PPP1R12A: variants seen among roughly 807,000 people sequenced by gnomAD.
PPP1R12A encodes myosin binding subunit.
PPP1R12A carries 19 observed loss-of-function variants against 139.6 expected under a neutral mutation model. The ratio of observed to expected loss-of-function variants is 0.14; its 90% CI spans 0.09 to 0.20. PPP1R12A has a LOEUF of 0.20. Among genes scored for constraint, PPP1R12A ranks in the 10% least tolerant of loss-of-function variants. The pLI is 1.00. For synonymous variants in PPP1R12A, 427 were observed against 420.6 expected (o/e 1.02, Z -0.19); for missense variants, 925 against 1,211.5 (o/e 0.76, Z 3.51).
chr12:79,812,073 ATAC>A (rs1874607543), intron 9 of PPP1R12A, among the ~76,000 whole-genome samples: 1 of 152,306 alleles, frequency 6.6e-6, no homozygotes, highest in East Asian at 1.9e-4. Context: ...ACCCAATGAA[ATAC>A]TACTATTACT....
chr12:79,806,150 T>G lies in PPP1R12A; in HGVS notation c.1823+16A>C. 2 of 1,612,710 alleles carry G rather than the reference T, an allele frequency of 1.2e-6. No homozygotes were observed. Among genetic ancestry groups the G allele is most frequent in the Non-Finnish European group, 1.7e-6 (2 of 1,178,988 alleles). On this transcript the variant is annotated intron_variant, in intron 13 of 24. Transcript: ENST00000450142. ...GCACACAGTAGACCTGAGCACAAAA[T>G]GTATCTGTGACTTACCTGCTTTGTG...
chr12:79,890,891 C>CACA (rs1565800078), intron 1 of PPP1R12A, among the ~76,000 whole-genome samples: 24 of 99,600 alleles, frequency 2.4e-4, no homozygotes, highest in South Asian at 1.4e-3. Flanking sequence ...CACACACCAC[C>CACA]CACCCACACC....
intron 8 of PPP1R12A, among the ~76,000 whole-genome samples, chr12:79,819,720 T>C (rs1011351149): frequency 2.0e-5 from 3 of 152,114 alleles, no homozygotes; most frequent in African/African-American, 7.2e-5. Context: ...GGTGGGAGAA[T>C]TGCTTGAGGA....
At chr12:79,883,115 C>T (rs1883794246) in intron 1 of PPP1R12A, among the ~76,000 whole-genome samples, 1 of 151,846 alleles carries the variant, frequency 6.6e-6, no homozygotes, top group African/African-American at 2.4e-5. Flanking sequence ...CCAGCCTCGG[C>T]GACAGAGCAA....
chr12:79,900,414 G>C (rs1452393055), intron 1 of PPP1R12A, among the ~76,000 whole-genome samples: 2 of 152,238 alleles, frequency 1.3e-5, no homozygotes, highest in South Asian at 4.1e-4. Flanking sequence ...TTCATTGATG[G>C]ATTCTAGGGT....
At chr12:79,932,545 A>C (rs1888331050) in intron 1 of PPP1R12A, among the ~76,000 whole-genome samples, 1 of 152,198 alleles carries the variant, frequency 6.6e-6, no homozygotes, top group South Asian at 2.1e-4. Flanking sequence ...GGTCAAACCC[A>C]CACTCACAGT....
intron 1 of PPP1R12A, among the ~76,000 whole-genome samples, chr12:79,874,965 T>A (rs1012982999): frequency 6.6e-6 from 1 of 152,178 alleles, no homozygotes; most frequent in African/African-American, 2.4e-5. Context: ...TCCTTCTCAT[T>A]AAACAAATCT....
At chr12:79,780,389 A>G (rs1870289050) in intron 23 of PPP1R12A, 1 of 152,112 alleles carries the variant, frequency 6.6e-6, no homozygotes, top group Non-Finnish European at 1.5e-5. Flanking sequence ...ATTTATCTGC[A>G]TTTGACAAGC....
chr12:79,789,954 ATT>A (rs1302331162), intron 20 of PPP1R12A, among the ~76,000 whole-genome samples: 3 of 144,096 alleles, frequency 2.1e-5, no homozygotes, highest in African/African-American at 2.5e-5. Flanking sequence ...TAATTAAGAA[ATT>A]TTTTTTTTTT....
intron 16 of PPP1R12A, 118 bp from the exon 17 acceptor site, chr12:79,797,068 A>T: frequency 7.3e-7 from 1 of 1,366,998 alleles, no homozygotes; most frequent in Non-Finnish European, 9.9e-7. Flanking sequence ...AAGTAATTCA[A>T]ATTTCCAGCT....
chr12:79,924,292 C>G (rs1018227218), intron 1 of PPP1R12A, among the ~76,000 whole-genome samples: 2 of 152,126 alleles, frequency 1.3e-5, no homozygotes, highest in African/African-American at 4.8e-5. Flanking sequence ...ATTCCATGTA[C>G]TTGGAAGGAA....
At chr12:79,901,461 A>G (rs1458574185) in intron 1 of PPP1R12A, among the ~76,000 whole-genome samples, 1 of 152,154 alleles carries the variant, frequency 6.6e-6, no homozygotes, top group East Asian at 1.9e-4. Flanking sequence ...CTGGAGGTAA[A>G]AAAGTAAGCT....
chr12:79,820,732 G>T, intron 8 of PPP1R12A, 42 bp downstream of exon 8: 2 of 1,596,678 alleles, frequency 1.3e-6, no homozygotes, highest in South Asian at 1.1e-5. Flanking sequence ...ATTTTACACT[G>T]CCACAAAATT....
chr12:79,848,968 A>C (rs1879731439), intron 2 of PPP1R12A: 1 of 151,918 alleles, frequency 6.6e-6, no homozygotes, highest in South Asian at 2.1e-4. Flanking sequence ...AGTATAATAC[A>C]TTGTAGTTAT....
chr12:79,910,070 T>C (rs1220511560), intron 1 of PPP1R12A, among the ~76,000 whole-genome samples: 2 of 152,056 alleles, frequency 1.3e-5, no homozygotes, highest in African/African-American at 2.4e-5. Flanking sequence ...ACATTTATCA[T>C]TTGGATGCGG....
intron 4 of PPP1R12A, among the ~76,000 whole-genome samples, chr12:79,829,541 C>T (rs189442993): frequency 6.0e-4 from 91 of 152,180 alleles, no homozygotes; most frequent in African/African-American, 2.1e-3. Flanking sequence ...GAGATGGGCC[C>T]TGCTGATCTA....
At position 79,795,726 on chromosome 12, in the gene PPP1R12A, TCTC is replaced by T. The variant is rs1592625285; in HGVS notation, c.2492_2494del (p.Gly831del). 10 of 1,611,146 alleles carry T rather than the reference TCTC, an allele frequency of 6.2e-6. No individual in the cohort carries two copies. The South Asian group carries it at 6.6e-5, about 11-fold the overall frequency. ...GATTGATTTAGGTTGTGATTTATCTTCTCCTTCTTTCTCCTCTTCTCTTTTTTC... is the reference window on the plus strand; with the variant it reads ...GATTGATTTAGGTTGTGATTTATCTTCTTCTTTCTCCTCTTCTCTTTTTTC... On this transcript the variant is annotated inframe_deletion, in exon 18 of 25. Coordinates refer to ENST00000450142, the MANE Select transcript of PPP1R12A (RefSeq NM_002480.3).
intron 2 of PPP1R12A, among the ~76,000 whole-genome samples, chr12:79,849,118 AT>A: frequency 6.6e-6 from 1 of 152,148 alleles, no homozygotes; most frequent in Non-Finnish European, 1.5e-5. Flanking sequence ...AAATTATCAC[AT>A]TTAGGAAGCA....
intron 2 of PPP1R12A, among the ~76,000 whole-genome samples, chr12:79,851,161 C>A (rs1053708043): frequency 5.3e-5 from 8 of 152,004 alleles, no homozygotes; most frequent in Non-Finnish European, 7.4e-5. Context: ...TTACTCAAAG[C>A]CATCCTAGGA....
Sources: allele counts gnomAD v4.1 joint callset (sites outside exome capture counted in the v4.1 genomes callset), GRCh38; gene constraint gnomAD v4.1.1; transcripts MANE v1.5; gene names NCBI Gene and HGNC (gene_info 2026-07-23, HGNC 2026-07-21).